GRIK2: variants seen among roughly 807,000 people sequenced by gnomAD.
The protein encoded by GRIK2 is glutamate receptor ionotropic, kainate 2.
GRIK2 carries 32 observed loss-of-function variants against 100.3 expected under a neutral mutation model. That is an observed-to-expected ratio of 0.32 (90% CI 0.24 to 0.43). The LOEUF is 0.43. Among genes scored for constraint, GRIK2 ranks in the 20% least tolerant of loss-of-function variants. The probability of loss-of-function intolerance (pLI) is 1.00; values close to 1 mark genes in which losing one functional copy is unlikely to be tolerated. For synonymous variants in GRIK2, 417 were observed against 389.4 expected (o/e 1.07, Z -0.83); for missense variants, 843 against 1,114.9 (o/e 0.76, Z 3.47).
chr6:102,052,701 T>C (rs1025486994), intron 15 of GRIK2, among the ~76,000 whole-genome samples: 7 of 152,216 alleles, frequency 4.6e-5, no homozygotes, highest in African/African-American at 1.7e-4. Flanking sequence ...ACAAAATAAA[T>C]ACTTAAGTGG....
At position 101,946,240 on chromosome 6, in the gene GRIK2, T is replaced by G. The variant is rs9485567; in HGVS notation, c.2085+17608T>G. On this transcript the variant is annotated intron_variant, in intron 14 of 16. Coordinates refer to ENST00000369134, the MANE Select transcript of GRIK2 (RefSeq NM_021956.5). ...AGAACACAAACATGCACACATATCT[T>G]CTGATATATATAATATGTATGTGTG... Among the ~76,000 whole-genome samples the G allele has an allele frequency of 8.1e-3, 1,227 of 152,178 alleles. 16 individuals carry two copies. Among genetic ancestry groups the G allele is most frequent in the African/African-American group, 0.029 (1,192 of 41,538 alleles).
At chr6:101,880,047 TGG>T (rs1313670751) in intron 11 of GRIK2, among the ~76,000 whole-genome samples, 3 of 152,066 alleles carry the variant, frequency 2.0e-5, no homozygotes. Flanking sequence ...TGTTGTCCCT[TGG>T]ACTACTGTGG....
At chr6:101,661,887 T>G (rs992483545) in intron 4 of GRIK2, among the ~76,000 whole-genome samples, 1 of 152,144 alleles carries the variant, frequency 6.6e-6, no homozygotes, top group Admixed American at 6.5e-5. Context: ...CTCTGGGAGC[T>G]GCAGACCGGA....
rs146244125 is a variant in GRIK2 at position 102,050,601 on chromosome 6, G to A, written c.2312-4729G>A. Among the ~76,000 whole-genome samples, 194 of 149,078 alleles carry A rather than the reference G, an allele frequency of 1.3e-3. 1 individual carries two copies. Among genetic ancestry groups the A allele is most frequent in the African/African-American group, 4.4e-3 (178 of 40,326 alleles). ...GGCGGAGGTTGCAGTGAGCCAAGAT[G>A]GCACCACTGCACTCCAGCGCCTGGG... On this transcript the variant is annotated intron_variant, in intron 15 of 16. Transcript: ENST00000369134.
intron 2 of GRIK2, among the ~76,000 whole-genome samples, chr6:101,520,248 A>G (rs1774816551): frequency 6.6e-6 from 1 of 151,868 alleles, no homozygotes; most frequent in Non-Finnish European, 1.5e-5. Flanking sequence ...TCTTAAATGT[A>G]TTAGTTAACT....
intron 9 of GRIK2, among the ~76,000 whole-genome samples, chr6:101,806,497 C>A (rs1161264651): frequency 2.6e-5 from 4 of 151,902 alleles, no homozygotes; most frequent in Admixed American, 1.3e-4. Context: ...AGGAAATTGA[C>A]CCCTGTCATC....
chr6:101,643,799 A>G (rs1272058648), intron 4 of GRIK2, among the ~76,000 whole-genome samples: 3 of 151,772 alleles, frequency 2.0e-5, no homozygotes, highest in Admixed American at 6.6e-5. Flanking sequence ...CATTAAATCT[A>G]TAGATCACTT....
Position 101,602,665 on chromosome 6 carries a change from A to G in GRIK2, c.116-19284A>G, listed in dbSNP as rs140298965. ...TGGTTATATGACTTGCAGAAGGTCTATGTTTCAGTGCCTGGATTGGAGTCA... is the reference window on the plus strand; with the variant it reads ...TGGTTATATGACTTGCAGAAGGTCTGTGTTTCAGTGCCTGGATTGGAGTCA... On this transcript the variant is annotated intron_variant, in intron 2 of 16. Coordinates refer to ENST00000369134, the MANE Select transcript of GRIK2 (RefSeq NM_021956.5). Among the ~76,000 whole-genome samples, 32 of 151,678 alleles carry G rather than the reference A, an allele frequency of 2.1e-4. No homozygotes were observed. In the East Asian group the frequency reaches 5.8e-3, roughly 28 times the overall value.
At chr6:101,715,604 A>T (rs1032494614) in intron 7 of GRIK2, among the ~76,000 whole-genome samples, 3 of 151,762 alleles carry the variant, frequency 2.0e-5, no homozygotes, top group South Asian at 4.1e-4. Context: ...TATAGTCCAA[A>T]CAACGGCCCA....
chr6:101,788,894 A>C (rs527641237), intron 7 of GRIK2, among the ~76,000 whole-genome samples: 2 of 152,140 alleles, frequency 1.3e-5, no homozygotes, highest in South Asian at 2.1e-4. Context: ...CTGTTTAATG[A>C]TTGCCATTCT....
chr6:101,888,499 A>G (rs1334331415), intron 11 of GRIK2, among the ~76,000 whole-genome samples: 1 of 152,152 alleles, frequency 6.6e-6, no homozygotes, highest in Non-Finnish European at 1.5e-5. Flanking sequence ...GCTCTCCCCC[A>G]GAATTTTTAA....
At chr6:101,499,394 T>C (rs1302054559) in intron 2 of GRIK2, among the ~76,000 whole-genome samples, 1 of 152,112 alleles carries the variant, frequency 6.6e-6, no homozygotes, top group Admixed American at 6.6e-5. Context: ...GTTAGTACAT[T>C]TTATAGCTGT....
At chr6:101,662,353 G>A (rs1415732402) in intron 4 of GRIK2, among the ~76,000 whole-genome samples, 1 of 152,134 alleles carries the variant, frequency 6.6e-6, no homozygotes, top group South Asian at 2.1e-4. Context: ...GCTTCTCCTT[G>A]TTTCTGTTTC....
At chr6:101,704,165 T>G (rs2128354446) in intron 7 of GRIK2, among the ~76,000 whole-genome samples, 1 of 151,868 alleles carries the variant, frequency 6.6e-6, no homozygotes, top group South Asian at 2.1e-4. Flanking sequence ...GAAGGACAGT[T>G]AAGTCAGCAA....
intron 2 of GRIK2, among the ~76,000 whole-genome samples, chr6:101,607,173 G>A (rs1458977902): frequency 6.6e-6 from 1 of 151,910 alleles, no homozygotes; most frequent in Admixed American, 6.6e-5. Flanking sequence ...TTGAAAGTTG[G>A]GTTGGGAAAC....
chr6:101,754,082 T>G (rs971126698), intron 7 of GRIK2, among the ~76,000 whole-genome samples: 3 of 151,986 alleles, frequency 2.0e-5, no homozygotes, highest in Admixed American at 2.0e-4. Context: ...AGAAGAAATA[T>G]CACAATATTT....
At chr6:101,840,771 T>C (rs1471861643) in intron 10 of GRIK2, among the ~76,000 whole-genome samples, 1 of 151,570 alleles carries the variant, frequency 6.6e-6, no homozygotes, top group Admixed American at 6.6e-5. Context: ...TTCTACATAG[T>C]AATTGATTAA....
At position 101,412,454 on chromosome 6, in the gene GRIK2, G is replaced by A. The variant is rs957693159; in HGVS notation, c.115+13062G>A. On this transcript the variant is annotated intron_variant, in intron 2 of 16. Coordinates refer to ENST00000369134, the MANE Select transcript of GRIK2 (RefSeq NM_021956.5). ...TTACTGACAGTATGATTTAAAAGTAGCATGATTATAGGTTGGATAGAGATT... is the reference window on the plus strand; with the variant it reads ...TTACTGACAGTATGATTTAAAAGTAACATGATTATAGGTTGGATAGAGATT... Among the ~76,000 whole-genome samples the A allele has an allele frequency of 2.8e-4, 43 of 151,900 alleles. 1 individual carries two copies. The highest frequency in any genetic ancestry group is 5.0e-4 in the Non-Finnish European group (34 of 67,870).
At chr6:101,411,433 G>C (rs1006605392) in intron 2 of GRIK2, among the ~76,000 whole-genome samples, 1 of 152,030 alleles carries the variant, frequency 6.6e-6, no homozygotes, top group African/African-American at 2.4e-5. Flanking sequence ...ACTAGATTTA[G>C]TTAGCATGTT....
Sources: allele counts gnomAD v4.1 joint callset (sites outside exome capture counted in the v4.1 genomes callset), GRCh38; gene constraint gnomAD v4.1.1; transcripts MANE v1.5; gene names NCBI Gene and HGNC (gene_info 2026-07-23, HGNC 2026-07-21).